Variants in SAMSN1 observed in about 807,000 individuals in gnomAD.
SAMSN1 encodes SAM domain, SH3 domain and nuclear localization signals 1, also known as SAM domain-containing protein SAMSN-1.
Under a neutral mutation model 42.0 loss-of-function variants are expected in SAMSN1, and 31 were observed. That is an observed-to-expected ratio of 0.74 (90% CI 0.55 to 1.00). The LOEUF is 1.00. Ranked by LOEUF, SAMSN1 falls within the 50% of genes least tolerant of loss-of-function variation. SAMSN1 has a pLI of 0.00. For synonymous variants in SAMSN1, 178 were observed against 151.9 expected, an observed-to-expected ratio of 1.17 and a Z score of -1.26; for missense variants, 464 against 439.4, an observed-to-expected ratio of 1.06 and a Z score of -0.50.
intron 5 of SAMSN1, among the ~76,000 whole-genome samples, chr21:14,503,704 A>T (rs1214345913): frequency 6.6e-6 from 1 of 152,170 alleles, no homozygotes; most frequent in Non-Finnish European, 1.5e-5. Flanking sequence ...ATCATGGCAG[A>T]CGGCAGGCAG....
chr21:14,649,867 A>C (rs1380472535), intron 1 of SAMSN1, among the ~76,000 whole-genome samples: 3 of 152,080 alleles, frequency 2.0e-5, no homozygotes, highest in African/African-American at 7.2e-5. Context: ...GCCAATGAAA[A>C]CCAAAAAAGA....
chr21:14,552,874 C>T lies in SAMSN1; in HGVS notation c.261+29262G>A, dbSNP rs538933028. 1.1e-4 allele frequency among the ~76,000 whole-genome samples: 16 copies of T among 152,072 alleles called. No homozygotes were observed. The East Asian group carries it at 3.1e-3, about 29-fold the overall frequency. ...AATATCAAATCCAAATTGTGATTAT[C>T]ATCTTCACATTTCTACAATATTGTT... On this transcript the variant is annotated intron_variant, in intron 2 of 8. Coordinates refer to the SAMSN1 transcript ENST00000285670.
chr21:14,594,938 G>C (rs568338607), intron 6 of SAMSN1, among the ~76,000 whole-genome samples: 15 of 152,262 alleles, frequency 9.9e-5, no homozygotes, highest in African/African-American at 3.6e-4. Context: ...AGTGGCTTCT[G>C]CTGTAGGGGA....
At chr21:14,638,994 G>A (rs1259661914) in intron 2 of SAMSN1, among the ~76,000 whole-genome samples, 2 of 152,142 alleles carry the variant, frequency 1.3e-5, no homozygotes, top group Non-Finnish European at 2.9e-5. Flanking sequence ...TTTATTGAAT[G>A]ACCACTATGC....
rs1160756309 is a variant in SAMSN1, at chr21:14,577,255, TATATATATATATATATATATATATATATA to T, written c.261+4852_261+4880del. 6.7e-4 allele frequency among the ~76,000 whole-genome samples: 27 copies of T among 40,010 alleles called. 2 individuals are homozygous for T. The highest frequency in any genetic ancestry group is 2.3e-3 in the African/African-American group (13 of 5,586). 26.2% of individuals were successfully genotyped at this position (40,010 alleles called of 152,430 possible). ...ATATGTGTGTATATATATATATATA[TATATATATATATATATATATATATATATA>T]TTTTTTTTTTAGAAGAGACAGGGTT... On this transcript the variant is annotated intron_variant, in intron 2 of 8. Coordinates refer to the SAMSN1 transcript ENST00000285670.
Position 14,543,440 on chromosome 21 carries a change from G to A in SAMSN1, c.57+2765C>T, listed in dbSNP as rs534910073. Reference sequence around the variant, plus strand: ...AATTCATGAACATGTTTATCGATAAGTTTTAGGAATATAAGAAAATAATGA... The same window carrying A: ...AATTCATGAACATGTTTATCGATAAATTTTAGGAATATAAGAAAATAATGA... On this transcript the variant is annotated intron_variant, in intron 1 of 7. Coordinates refer to ENST00000400566, the MANE Select transcript of SAMSN1 (RefSeq NM_022136.5). 1.9e-3 allele frequency among the ~76,000 whole-genome samples: 296 copies of A among 152,048 alleles called. 1 individual carries two copies. Among genetic ancestry groups the A allele is most frequent in the Non-Finnish European group, 2.8e-3 (190 of 67,994 alleles).
rs771151013 is a variant in SAMSN1, at chr21:14,516,948, A to T, written c.223T>A (p.Trp75Arg). The change falls in exon 3 of 8, where the codon TGG becomes AGG. Residue 75 changes from tryptophan (W) to arginine (R), a missense_variant. Trp to Arg is a moderately radical substitution (Grantham distance 101). Transcript: ENST00000400566. ...TTACCCACTTTTTTCTTCATTGTCCATGAAATAGCTCTCATTTTTTTACCC... is the reference window on the plus strand; with the variant it reads ...TTACCCACTTTTTTCTTCATTGTCCTTGAAATAGCTCTCATTTTTTTACCC... ...GLGKKMRAISWTMKKKVGKKY... is the reference protein window; with the variant it reads ...GLGKKMRAISRTMKKKVGKKY... The T allele has an allele frequency of 6.2e-7, 1 of 1,613,368 alleles. No homozygotes were observed. Among genetic ancestry groups the T allele is most frequent in the African/African-American group, 1.3e-5 (1 of 74,908 alleles).
intron 2 of SAMSN1, among the ~76,000 whole-genome samples, chr21:14,556,199 C>G (rs937634791): frequency 1.3e-5 from 2 of 152,150 alleles, no homozygotes; most frequent in African/African-American, 4.8e-5. Context: ...GATTATTTTT[C>G]AGGCCTGATC....
At chr21:14,510,639 TCTGAGCCATTTCGAACCTTTTTC>T (rs1456014813) in intron 4 of SAMSN1, among the ~76,000 whole-genome samples, 178 bp from the exon 5 acceptor site, 1 of 151,974 alleles carries the variant, frequency 6.6e-6, no homozygotes, top group African/African-American at 2.4e-5. Flanking sequence ...ACGTCTGTCC[TCTGAGCCATTTCGAACCTTTTTC>T]CTGCCAATCT....
upstream of SAMSN1, among the ~76,000 whole-genome samples, chr21:14,547,870 TG>T (rs1204719472): frequency 6.6e-6 from 1 of 152,212 alleles, no homozygotes; most frequent in Non-Finnish European, 1.5e-5. Flanking sequence ...TTCATGATTA[TG>T]GTTAATATGC....
chr21:14,492,599 T>G (rs1479250891), intron 7 of SAMSN1, among the ~76,000 whole-genome samples: 2 of 152,186 alleles, frequency 1.3e-5, no homozygotes, highest in Non-Finnish European at 2.9e-5. Context: ...ACAGGAGTGC[T>G]CTATATATAC....
At chr21:14,610,745 G>A (rs1982683791) in intron 4 of SAMSN1, among the ~76,000 whole-genome samples, 1 of 152,136 alleles carries the variant, frequency 6.6e-6, no homozygotes, top group Admixed American at 6.5e-5. Context: ...ATCGGTGGCG[G>A]GTTCCCCCAT....
At chr21:14,538,548 A>C (rs1979786425) in intron 1 of SAMSN1, among the ~76,000 whole-genome samples, 1 of 152,210 alleles carries the variant, frequency 6.6e-6, no homozygotes, top group Admixed American at 6.5e-5. Flanking sequence ...AGTGCATATA[A>C]ATACTTATTC....
At chr21:14,513,649 G>C (rs1600880146) in intron 3 of SAMSN1, among the ~76,000 whole-genome samples, 1 of 152,260 alleles carries the variant, frequency 6.6e-6, no homozygotes, top group Non-Finnish European at 1.5e-5. Context: ...CTGAGGTTAG[G>C]GTTAGGGGTT....
chr21:14,498,408 T>A, intron 7 of SAMSN1, 34 bp downstream of exon 7: 1 of 1,565,576 alleles, frequency 6.4e-7, no homozygotes, highest in Non-Finnish European at 8.6e-7. Context: ...AAACTGATTA[T>A]CAGCTGGGGA....
At chr21:14,532,174 T>C (rs1979308363) in intron 1 of SAMSN1, among the ~76,000 whole-genome samples, 2 of 152,198 alleles carry the variant, frequency 1.3e-5, no homozygotes, top group African/African-American at 2.4e-5. Flanking sequence ...GTCACTCTTC[T>C]GTTTCAAGGG....
chr21:14,559,192 G>A (rs764904545), intron 2 of SAMSN1, among the ~76,000 whole-genome samples: 1 of 152,072 alleles, frequency 6.6e-6, no homozygotes, highest in Non-Finnish European at 1.5e-5. Context: ...AAATATATAG[G>A]GGAAAAACAT....
intron 2 of SAMSN1, among the ~76,000 whole-genome samples, chr21:14,568,700 C>T (rs1199265491): frequency 6.6e-6 from 1 of 152,116 alleles, no homozygotes; most frequent in Non-Finnish European, 1.5e-5. Context: ...AGAAGTTTCC[C>T]TCCCAAGGGA....
chr21:14,562,952 G>C (rs1980992628), intron 2 of SAMSN1, among the ~76,000 whole-genome samples: 1 of 152,118 alleles, frequency 6.6e-6, no homozygotes, highest in Non-Finnish European at 1.5e-5. Context: ...ATGTTCCTAA[G>C]TCTATGTACT....
Sources: gnomAD v4.1 joint callset for allele counts (sites outside exome capture counted in the v4.1 genomes callset) on GRCh38, gnomAD v4.1.1 for gene constraint, MANE v1.5 for transcripts, NCBI Gene and HGNC (gene_info 2026-07-23, HGNC 2026-07-21) for gene names.